The following RCOR1 variants were observed in gnomAD, a reference collection of about 807,000 sequenced individuals.
RCOR1 encodes REST corepressor.
In RCOR1, 12 loss-of-function variants were observed where a neutral mutation model predicts 64.0. The observed-to-expected ratio is 0.19, with a 90% confidence interval of 0.12 to 0.30. The LOEUF (loss-of-function observed/expected upper bound fraction) is 0.30, where lower values mean the gene tolerates loss of function less well. Ranked by LOEUF, RCOR1 falls within the 10% of genes least tolerant of loss-of-function variation. The pLI, the probability that RCOR1 is intolerant of heterozygous loss-of-function variation, is 1.00. For missense variants in RCOR1, 502 were observed against 621.2 expected (o/e 0.81, Z 2.04); for synonymous variants, 279 against 227.2 (o/e 1.23, Z -2.05).
At chr14:102,722,482 T>C (rs1299454156) in intron 11 of RCOR1, 66 bp downstream of exon 11, 29 of 1,336,628 alleles carry the variant, frequency 2.2e-5, no homozygotes, top group Non-Finnish European at 2.6e-5. Context: ...GTTTCTAAAG[T>C]GATGAATTTT....
At chr14:102,717,212 C>T (rs537052298) in intron 8 of RCOR1, among the ~76,000 whole-genome samples, 34 of 152,346 alleles carry the variant, frequency 2.2e-4, no homozygotes, top group Non-Finnish European at 4.1e-4. Flanking sequence ...TTCATTCTCT[C>T]TCTGGAATTC....
intron 2 of RCOR1, among the ~76,000 whole-genome samples, chr14:102,634,601 C>CATGTGTGTGTGT (rs35215502): frequency 2.0e-5 from 3 of 150,724 alleles, no homozygotes; most frequent in African/African-American, 7.3e-5. Flanking sequence ...GTTTATATTA[C>CATGTGTGTGTGT]GTGTGTGTGT....
intron 3 of RCOR1, among the ~76,000 whole-genome samples, chr14:102,684,350 G>A (rs2139963359): frequency 6.6e-6 from 1 of 152,298 alleles, no homozygotes; most frequent in East Asian, 1.9e-4. Context: ...GGGAAATCGA[G>A]TTGTTAGGGT....
intron 2 of RCOR1, among the ~76,000 whole-genome samples, chr14:102,634,556 T>G (rs1371903683): frequency 1.3e-5 from 2 of 151,850 alleles, no homozygotes; most frequent in Non-Finnish European, 2.9e-5. Flanking sequence ...GCATAACAAA[T>G]AAATACTAAG....
chr14:102,718,383 A>T (rs1449557310), intron 8 of RCOR1, among the ~76,000 whole-genome samples: 2 of 152,276 alleles, frequency 1.3e-5, no homozygotes, highest in Middle Eastern at 6.8e-3. Context: ...TGCGTTGCGT[A>T]CTGCTCTTCC....
chr14:102,605,877 A>T (rs1027577938), intron 2 of RCOR1, among the ~76,000 whole-genome samples: 2 of 152,030 alleles, frequency 1.3e-5, no homozygotes, highest in African/African-American at 4.8e-5. Context: ...AGATGGTGAT[A>T]TTGATGATCC....
chr14:102,665,746 C>T (rs1262402347), intron 2 of RCOR1, among the ~76,000 whole-genome samples: 1 of 152,168 alleles, frequency 6.6e-6, no homozygotes, highest in Non-Finnish European at 1.5e-5. Flanking sequence ...GTGCAAGTCA[C>T]TTAACTCCTC....
intron 8 of RCOR1, among the ~76,000 whole-genome samples, chr14:102,716,257 T>C (rs1330276851): frequency 2.0e-5 from 3 of 152,216 alleles, no homozygotes; most frequent in African/African-American, 7.2e-5. Flanking sequence ...TATTTTCTTA[T>C]TGGTTTATAG....
intron 4 of RCOR1, among the ~76,000 whole-genome samples, chr14:102,703,689 G>A (rs755046747): frequency 1.3e-5 from 2 of 152,206 alleles, no homozygotes; most frequent in Non-Finnish European, 2.9e-5. Flanking sequence ...CCACAGTGGA[G>A]CTGAACTTGC....
At chr14:102,639,212 A>G (rs985111869) in intron 2 of RCOR1, among the ~76,000 whole-genome samples, 1 of 151,554 alleles carries the variant, frequency 6.6e-6, no homozygotes, top group Admixed American at 6.6e-5. Flanking sequence ...AAAACTGTGA[A>G]GTTGTATAAA....
At chr14:102,599,988 T>C (rs563059695) in intron 2 of RCOR1, among the ~76,000 whole-genome samples, 3 of 152,024 alleles carry the variant, frequency 2.0e-5, no homozygotes, top group South Asian at 2.1e-4. Context: ...TCTCTAACTC[T>C]TGTGCTCAAG....
intron 8 of RCOR1, 127 bp from the exon 9 acceptor site, chr14:102,720,880 T>C: frequency 1.8e-6 from 1 of 565,976 alleles, no homozygotes; most frequent in African/African-American, 1.9e-5. Context: ...GATCTCAGAA[T>C]TCAGCTACAA....
chr14:102,627,957 A>G (rs375201863), intron 2 of RCOR1, among the ~76,000 whole-genome samples: 1 of 72,214 alleles, frequency 1.4e-5, no homozygotes, highest in Admixed American at 1.8e-4. Flanking sequence ...TAAATTTAAA[A>G]GGGGTGTGTG....
At chr14:102,628,893 C>CTT (rs569423625) in intron 2 of RCOR1, among the ~76,000 whole-genome samples, 1,781 of 139,206 alleles carry the variant, frequency 0.013, 51 homozygotes, top group African/African-American at 0.04. Flanking sequence ...CCAACTTGCT[C>CTT]TTTTTTTTTT....
chr14:102,619,466 A>G (rs540805873), intron 2 of RCOR1, among the ~76,000 whole-genome samples: 1,407 of 133,658 alleles, frequency 0.011, 13 homozygotes, highest in Admixed American at 0.016. Flanking sequence ...TATCTATTCT[A>G]TCTAATCTTT....
chr14:102,604,085 C>G (rs935196496), intron 2 of RCOR1, among the ~76,000 whole-genome samples: 2 of 152,044 alleles, frequency 1.3e-5, no homozygotes, highest in African/African-American at 4.8e-5. Flanking sequence ...CCCCTGATTT[C>G]TAAGATGAAT....
chr14:102,692,313 G>A (rs962967749), intron 3 of RCOR1, among the ~76,000 whole-genome samples: 7 of 152,158 alleles, frequency 4.6e-5, no homozygotes, highest in South Asian at 4.2e-4. Context: ...TATTGTTTCC[G>A]TGTTTAATTT....
At chr14:102,650,026 G>A (rs185461380) in intron 2 of RCOR1, among the ~76,000 whole-genome samples, 5 of 151,862 alleles carry the variant, frequency 3.3e-5, no homozygotes, top group African/African-American at 9.7e-5. Context: ...GTGAAACCCC[G>A]TCTCTACTAA....
intron 2 of RCOR1, among the ~76,000 whole-genome samples, chr14:102,665,079 C>T (rs1414650298): frequency 6.6e-6 from 1 of 152,082 alleles, no homozygotes; most frequent in Non-Finnish European, 1.5e-5. Context: ...GGCGCAATCT[C>T]ACTGCAACCT....
Sources: gnomAD v4.1 joint callset for allele counts (sites outside exome capture counted in the v4.1 genomes callset) on GRCh38, gnomAD v4.1.1 for gene constraint, MANE v1.5 for transcripts, NCBI Gene and HGNC (gene_info 2026-07-23, HGNC 2026-07-21) for gene names.